The following ARPC1A variants were observed in gnomAD, a reference collection of about 807,000 sequenced individuals.
The protein encoded by ARPC1A is actin-related protein 2/3 complex subunit 1A.
In ARPC1A, 8 loss-of-function variants were observed where a neutral mutation model predicts 46.9. That is an observed-to-expected ratio of 0.17 (90% confidence interval 0.10 to 0.31). The LOEUF is 0.31. Among genes scored for constraint, ARPC1A ranks in the 10% least tolerant of loss-of-function variants. ARPC1A has a pLI of 1.00. For missense variants in ARPC1A, 286 were observed against 483.6 expected, an observed-to-expected ratio of 0.59 and a Z score of 3.83; for synonymous variants, 152 against 169.0, an observed-to-expected ratio of 0.90 and a Z score of 0.78.
At chr7:99,344,864 C>CTT (rs60398022) in intron 4 of ARPC1A, among the ~76,000 whole-genome samples, 1 of 69,318 alleles carries the variant, frequency 1.4e-5, no homozygotes. Flanking sequence ...AATATTTTTT[C>CTT]TTTTTTTTTT....
chr7:99,340,275 G>A (rs1562797888), intron 3 of ARPC1A, among the ~76,000 whole-genome samples: 1 of 152,030 alleles, frequency 6.6e-6, no homozygotes, highest in South Asian at 2.1e-4. Flanking sequence ...CAATTCTCCC[G>A]CCTCAGCCTC....
intron 3 of ARPC1A, among the ~76,000 whole-genome samples, chr7:99,343,042 C>T (rs1237129291): frequency 6.6e-6 from 1 of 152,012 alleles, no homozygotes; most frequent in African/African-American, 2.4e-5. Context: ...AATTGAGGCT[C>T]AGAGGTATAT....
At chr7:99,336,834 AAG>A (rs1195972551) in intron 2 of ARPC1A, among the ~76,000 whole-genome samples, 2 of 152,082 alleles carry the variant, frequency 1.3e-5, no homozygotes, top group African/African-American at 2.4e-5. Context: ...AATAAAAAGA[AAG>A]AGGGGCTGGG....
intron 8 of ARPC1A, chr7:99,360,112 T>C: frequency 3.7e-6 from 1 of 267,924 alleles, no homozygotes; most frequent in South Asian, 5.4e-5. Flanking sequence ...CCCACAGTAG[T>C]GCACACATAA....
At chr7:99,359,829 C>G (rs1253224115) in intron 8 of ARPC1A, 91 bp downstream of exon 8, 1 of 1,384,002 alleles carries the variant, frequency 7.2e-7, no homozygotes, top group Admixed American at 1.9e-5. Flanking sequence ...AAGCTCTATG[C>G]CCCTCAGGCC....
At chr7:99,335,072 C>T (rs1419145580) in intron 2 of ARPC1A, among the ~76,000 whole-genome samples, 1 of 152,178 alleles carries the variant, frequency 6.6e-6, no homozygotes, top group Non-Finnish European at 1.5e-5. Context: ...TCTCAATCTC[C>T]TGACCTCGTG....
intron 8 of ARPC1A, among the ~76,000 whole-genome samples, chr7:99,361,115 T>C (rs1793732914): frequency 2.0e-5 from 3 of 152,218 alleles, no homozygotes; most frequent in Middle Eastern, 3.4e-3. Flanking sequence ...GACTTCCTGT[T>C]TGAGAGAATT....
chr7:99,356,319 C>T (rs1793628213), intron 6 of ARPC1A, among the ~76,000 whole-genome samples: 1 of 152,130 alleles, frequency 6.6e-6, no homozygotes, highest in Non-Finnish European at 1.5e-5. Flanking sequence ...AGATTATCCC[C>T]TCAGGCCGGG....
intron 4 of ARPC1A, among the ~76,000 whole-genome samples, chr7:99,347,533 A>G (rs1793474834): frequency 1.3e-5 from 2 of 151,728 alleles, no homozygotes; most frequent in Admixed American, 6.6e-5. Context: ...GGTGAAAGCT[A>G]ATCTCCTCTA....
chr7:99,354,791 G>C (rs1395392507), intron 6 of ARPC1A, among the ~76,000 whole-genome samples: 1 of 152,108 alleles, frequency 6.6e-6, no homozygotes, highest in Non-Finnish European at 1.5e-5. Context: ...AGGCCAGCCT[G>C]GCCAACATGG....
Position 99,359,738 on chromosome 7 carries a change from C to G in ARPC1A, c.983C>G (p.Thr328Ser). ...GAGACGCTGCACCAGAATAGCATCA[C>G]GTAGGTGCCGTCTGTAGAGAGGTGG... ...ALETLHQNSI[T>S]QVSIYEVDKQ... is the part of the protein sequence containing the mutation. The change falls in exon 8 of 10, where the codon ACT becomes AGT. Residue 328 changes from threonine (T) to serine (S), a missense_variant and splice_region_variant. This residue lies in a region of ARPC1A where 182 missense variants were observed against 276.7 expected (regional missense o/e 0.66). Coordinates refer to ENST00000262942, the MANE Select transcript of ARPC1A (RefSeq NM_006409.4). 6.2e-7 allele frequency: 1 copy of G among 1,614,100 alleles called. No homozygotes were observed. Among genetic ancestry groups the G allele is most frequent in the Non-Finnish European group, 8.5e-7 (1 of 1,180,034 alleles).
intron 3 of ARPC1A, among the ~76,000 whole-genome samples, chr7:99,342,101 CT>C (rs1398991770): frequency 6.6e-6 from 1 of 152,056 alleles, no homozygotes; most frequent in Non-Finnish European, 1.5e-5. Flanking sequence ...TATAATGAGC[CT>C]TTTATACCCA....
chr7:99,362,638 G>A (rs544363404), intron 8 of ARPC1A, among the ~76,000 whole-genome samples: 1 of 151,448 alleles, frequency 6.6e-6, no homozygotes, highest in African/African-American at 2.4e-5. Context: ...CACTGCACCT[G>A]GCCTTTGTTG....
intron 5 of ARPC1A, among the ~76,000 whole-genome samples, chr7:99,350,083 T>C (rs1463512685): frequency 6.6e-6 from 1 of 152,128 alleles, no homozygotes; most frequent in Non-Finnish European, 1.5e-5. Context: ...AGCATGGTGA[T>C]TAAAAGAACA....
chr7:99,363,674 A>AG (rs759521581), intron 9 of ARPC1A, 41 bp downstream of exon 9: 1 of 1,473,372 alleles, frequency 6.8e-7, no homozygotes, highest in Admixed American at 2.2e-5. Flanking sequence ...TTGTGTTAAA[A>AG]CTTTTTTTTT....
chr7:99,363,370 A>G (rs1334245133), intron 8 of ARPC1A, 173 bp from the exon 9 acceptor site: 1 of 584,640 alleles, frequency 1.7e-6, no homozygotes, highest in Non-Finnish European at 3.0e-6. Flanking sequence ...ACTTGAGCCC[A>G]GGAGTTCAAG....
chr7:99,360,379 G>A (rs768194012), intron 8 of ARPC1A: 1 of 150,596 alleles, frequency 6.6e-6, no homozygotes, highest in Non-Finnish European at 1.5e-5. Flanking sequence ...AGGCTGGAGT[G>A]CAATGCCACA....
intron 6 of ARPC1A, 119 bp downstream of exon 6, chr7:99,354,240 A>T: frequency 8.4e-7 from 1 of 1,188,756 alleles, no homozygotes; most frequent in Non-Finnish European, 1.2e-6. Flanking sequence ...AACCTTAATC[A>T]GGCCAGGCGT....
chr7:99,351,367 C>T (rs1331398062), intron 5 of ARPC1A, among the ~76,000 whole-genome samples: 1 of 152,090 alleles, frequency 6.6e-6, no homozygotes, highest in African/African-American at 2.4e-5. Context: ...GCGTACACCA[C>T]CATGCCTGGC....
Sources: allele counts gnomAD v4.1 joint callset (sites outside exome capture counted in the v4.1 genomes callset), GRCh38; gene constraint gnomAD v4.1.1; regional missense constraint gnomAD v4.1.1; transcripts MANE v1.5; gene names NCBI Gene and HGNC (gene_info 2026-07-23, HGNC 2026-07-21).